Variants in SMPD3 observed in about 807,000 individuals in gnomAD.
SMPD3 encodes the protein sphingomyelin phosphodiesterase 3.
In SMPD3, 21 loss-of-function variants were observed where a neutral mutation model predicts 55.7. The ratio of observed to expected loss-of-function variants is 0.38; its 90% CI spans 0.27 to 0.54. The LOEUF (loss-of-function observed/expected upper bound fraction) is 0.54, where lower values mean the gene tolerates loss of function less well. Among genes scored for constraint, SMPD3 ranks in the 20% least tolerant of loss-of-function variants. SMPD3 has a pLI of 0.80. For synonymous variants in SMPD3, 457 were observed against 404.3 expected (o/e 1.13, Z -1.56); for missense variants, 842 against 899.6 (o/e 0.94, Z 0.82).
chr16:68,385,633 C>T (rs755620791), intron 2 of SMPD3, among the ~76,000 whole-genome samples: 17 of 152,112 alleles, frequency 1.1e-4, no homozygotes, highest in African/African-American at 2.9e-4. Flanking sequence ...ACCCTGACAA[C>T]GCTTAATTTG....
intron 1 of SMPD3, among the ~76,000 whole-genome samples, chr16:68,433,107 G>A (rs57271818): frequency 6.6e-6 from 1 of 152,164 alleles, no homozygotes; most frequent in African/African-American, 2.4e-5. Flanking sequence ...CCCGGCTGTT[G>A]TTTTTCTGGA....
intron 1 of SMPD3, among the ~76,000 whole-genome samples, chr16:68,389,952 G>C (rs1421501389): frequency 1.3e-5 from 2 of 152,192 alleles, no homozygotes; most frequent in Non-Finnish European, 2.9e-5. Context: ...AGAAACAGAA[G>C]GATGGCTACC....
intron 1 of SMPD3, among the ~76,000 whole-genome samples, chr16:68,439,315 A>G (rs565227169): frequency 2.8e-4 from 43 of 152,336 alleles, no homozygotes; most frequent in African/African-American, 1.0e-3. Flanking sequence ...TTCACTCTGC[A>G]TATGAGCATC....
chr16:68,367,166 C>T (rs996966410), intron 3 of SMPD3, among the ~76,000 whole-genome samples: 2 of 152,124 alleles, frequency 1.3e-5, no homozygotes, highest in African/African-American at 4.8e-5. Context: ...ATGAGACTGT[C>T]TCAAAATAAA....
At chr16:68,420,193 T>A (rs987882975) in intron 1 of SMPD3, among the ~76,000 whole-genome samples, 5 of 152,142 alleles carry the variant, frequency 3.3e-5, no homozygotes, top group African/African-American at 1.2e-4. Flanking sequence ...TCCATCTGCC[T>A]CAGCCTCCCA....
Position 68,371,852 on chromosome 16 carries a change from G to C in SMPD3, c.330C>G (p.Ala110=). 4.4e-6 allele frequency: 7 copies of C among 1,606,154 alleles called. No individual in the cohort carries two copies. Among genetic ancestry groups the C allele is most frequent in the Non-Finnish European group, 5.9e-6 (7 of 1,177,364 alleles). ...CCGTGCCCTTCCATTCACTGAGCAGGGCTGCCCCACCGGCCAGGCCCTTGT... is the reference window on the plus strand; with the variant it reads ...CCGTGCCCTTCCATTCACTGAGCAGCGCTGCCCCACCGGCCAGGCCCTTGT... ...LEDKGLAGGA[A]LLSEWKGTGP... The change falls in exon 3 of 9, where the codon GCC becomes GCG. Residue 110 remains alanine (A), a synonymous_variant. Transcript: ENST00000219334.
rs139926238 is a variant in SMPD3, at chr16:68,376,827, C to T, written c.-206-4440G>A. Among the ~76,000 whole-genome samples, 943 of 152,352 alleles carry T rather than the reference C, an allele frequency of 6.2e-3. 4 individuals carry two copies. Among genetic ancestry groups the T allele is most frequent in the Non-Finnish European group, 0.01 (699 of 68,018 alleles). On this transcript the variant is annotated intron_variant, in intron 2 of 8. Coordinates refer to ENST00000219334, the MANE Select transcript of SMPD3 (RefSeq NM_018667.4). ...ACCTGCCCCTGGCCCTCGGCTTCAC[C>T]GGCCACTGCTTAGCTTGGGCTTGGG...
chr16:68,372,792 G>T (rs1321065598), intron 2 of SMPD3, among the ~76,000 whole-genome samples: 1 of 152,214 alleles, frequency 6.6e-6, no homozygotes, highest in African/African-American at 2.4e-5. Context: ...GCAGTTTTTA[G>T]AATGAGAGGG....
At position 68,372,327 on chromosome 16, in the gene SMPD3, G is replaced by T; in HGVS notation, c.-146C>A. On this transcript the variant is annotated 5_prime_UTR_variant, in exon 3 of 9. Coordinates refer to ENST00000219334, the MANE Select transcript of SMPD3 (RefSeq NM_018667.4). ...GATGCAACTCCGGCTGGTCAATGGC[G>T]AATGTTGGCCAGCCGGTCATGGTTC... The T allele has an allele frequency of 9.3e-7, 1 of 1,071,896 alleles. No individual in the cohort carries two copies. Among genetic ancestry groups the T allele is most frequent in the East Asian group, 2.6e-5 (1 of 38,758 alleles). The allele number at this position is 1,071,896 out of a possible 1,614,324, so 66.4% of individuals were successfully genotyped here.
chr16:68,432,385 A>G (rs2090487533), intron 1 of SMPD3, among the ~76,000 whole-genome samples: 2 of 152,228 alleles, frequency 1.3e-5, no homozygotes. Context: ...AATTTTAGAA[A>G]GCTCTCTTAA....
rs2089108615 is a variant in SMPD3, at chr16:68,359,550, C to A, written c.*1656G>T. ...CAGGCATCTGGCTGGCTGCGTGGCC[C>A]CCTCTTGGTCCCTCTTGCAGCTCAA... On this transcript the variant is annotated 3_prime_UTR_variant, in exon 9 of 9. Coordinates refer to ENST00000219334, the MANE Select transcript of SMPD3 (RefSeq NM_018667.4). 1 of 152,776 alleles carries A rather than the reference C, an allele frequency of 6.5e-6. No individual in the cohort carries two copies. The highest frequency in any genetic ancestry group is 2.1e-4 in the South Asian group (1 of 4,836). 9.5% of individuals were successfully genotyped at this position (152,776 alleles called of 1,614,324 possible). A position where few individuals can be genotyped will look rare whatever the true frequency, so the allele number is the denominator to read the frequency against.
intron 2 of SMPD3, among the ~76,000 whole-genome samples, chr16:68,375,362 T>C (rs1466415989): frequency 6.6e-6 from 1 of 152,160 alleles, no homozygotes; most frequent in Non-Finnish European, 1.5e-5. Context: ...AGCCCTGGCG[T>C]GAGGACACTT....
At chr16:68,437,581 A>C (rs1391709089) in intron 1 of SMPD3, among the ~76,000 whole-genome samples, 1 of 152,210 alleles carries the variant, frequency 6.6e-6, no homozygotes, top group African/African-American at 2.4e-5. Flanking sequence ...TCCTAGCATG[A>C]CTTTTCAAAG....
intron 1 of SMPD3, among the ~76,000 whole-genome samples, chr16:68,426,156 G>C (rs759317739): frequency 2.6e-5 from 4 of 152,140 alleles, no homozygotes; most frequent in Admixed American, 2.0e-4. Flanking sequence ...AAGATGCATA[G>C]CATAGTTCTA....
rs549251456 is a variant in SMPD3, at chr16:68,363,613, T to G, written c.1646-54A>C. The G allele has an allele frequency of 2.6e-6, 4 of 1,557,630 alleles. No homozygotes were observed. The East Asian group carries it at 9.0e-5, about 35-fold the overall frequency. On this transcript the variant is annotated intron_variant, in intron 6 of 8. Coordinates refer to ENST00000219334, the MANE Select transcript of SMPD3 (RefSeq NM_018667.4). ...CGCTGCAGGCAGGGCCCAGGCAGCC[T>G]CTAGGGGGTGGCCTCTGTGGGTGGA...
At chr16:68,446,619 C>A (rs919217277) in intron 1 of SMPD3, among the ~76,000 whole-genome samples, 56 of 152,244 alleles carry the variant, frequency 3.7e-4, no homozygotes, top group Middle Eastern at 3.4e-3. Flanking sequence ...ACACTCTGAC[C>A]CACACCATCA....
rs776671976 is a variant in SMPD3 at position 68,363,571 on chromosome 16, G to A, written c.1646-12C>T. 11 of 1,611,738 alleles carry A rather than the reference G, an allele frequency of 6.8e-6. No homozygotes were observed. The highest frequency in any genetic ancestry group is 1.3e-5 in the African/African-American group (1 of 74,908). On this transcript the variant is annotated splice_polypyrimidine_tract_variant and intron_variant, in intron 6 of 8. Coordinates refer to ENST00000219334, the MANE Select transcript of SMPD3 (RefSeq NM_018667.4). ...GTCCAGCAGAGTACCTGGGGGGGAC[G>A]AGGGGGTGACAGTGGTCGCTGCAGG...
At chr16:68,421,232 C>T (rs1157203224) in intron 1 of SMPD3, among the ~76,000 whole-genome samples, 2 of 152,200 alleles carry the variant, frequency 1.3e-5, no homozygotes, top group Non-Finnish European at 2.9e-5. Flanking sequence ...ACAGTATCCC[C>T]ATCCTCCCTC....
chr16:68,379,706 T>C (rs2089904683), intron 2 of SMPD3, among the ~76,000 whole-genome samples: 1 of 152,170 alleles, frequency 6.6e-6, no homozygotes. Context: ...AGAAGCCAGG[T>C]GCAGGCAAAG....
Sources: gnomAD v4.1 joint callset for allele counts (sites outside exome capture counted in the v4.1 genomes callset) on GRCh38, gnomAD v4.1.1 for gene constraint, MANE v1.5 for transcripts, NCBI Gene and HGNC (gene_info 2026-07-23, HGNC 2026-07-21) for gene names.